PTPRT: variants seen among roughly 807,000 people sequenced by gnomAD.
PTPRT encodes the protein protein tyrosine phosphatase receptor type T.
Under a neutral mutation model 176.8 loss-of-function variants are expected in PTPRT, and 56 were observed. The observed-to-expected ratio is 0.32, with a 90% CI of 0.26 to 0.40. PTPRT has a LOEUF of 0.40. Among genes scored for constraint, PTPRT ranks in the 10% least tolerant of loss-of-function variants. The pLI, the probability that PTPRT is intolerant of heterozygous loss-of-function variation, is 1.00. For missense variants in PTPRT, 1,540 were observed against 1,908.2 expected, an observed-to-expected ratio of 0.81 and a Z score of 3.60; for synonymous variants, 783 against 739.0, an observed-to-expected ratio of 1.06 and a Z score of -0.96.
At chr20:42,187,562 C>T (rs527567278) in intron 16 of PTPRT, among the ~76,000 whole-genome samples, 13 of 152,290 alleles carry the variant, frequency 8.5e-5, no homozygotes, top group African/African-American at 2.4e-4. Flanking sequence ...TGTGATAGTC[C>T]GCCCTATGGC....
intron 1 of PTPRT, among the ~76,000 whole-genome samples, chr20:43,089,079 T>C (rs143302527): frequency 6.6e-6 from 1 of 152,326 alleles, no homozygotes; most frequent in African/African-American, 2.4e-5. Flanking sequence ...AAAGCTTATT[T>C]GAGGGCCAAA....
chr20:42,955,093 T>G (rs895736062), intron 1 of PTPRT, among the ~76,000 whole-genome samples: 1 of 152,158 alleles, frequency 6.6e-6, no homozygotes, highest in African/African-American at 2.4e-5. Context: ...ATCCCCCTCT[T>G]AGTGATGCAC....
At chr20:42,373,404 A>G (rs1475909127) in intron 9 of PTPRT, among the ~76,000 whole-genome samples, 1 of 152,168 alleles carries the variant, frequency 6.6e-6, no homozygotes, top group African/African-American at 2.4e-5. Context: ...TGCTTTCTAA[A>G]TATTTAGATT....
chr20:42,153,705 T>C (rs1314426064), intron 17 of PTPRT, among the ~76,000 whole-genome samples: 2 of 152,190 alleles, frequency 1.3e-5, no homozygotes, highest in African/African-American at 4.8e-5. Context: ...GGCTACAGAC[T>C]TCCAGCTGCC....
At chr20:42,382,701 T>C (rs2058708439) in intron 9 of PTPRT, among the ~76,000 whole-genome samples, 1 of 151,816 alleles carries the variant, frequency 6.6e-6, no homozygotes, top group African/African-American at 2.4e-5. Flanking sequence ...AATCGGGGTA[T>C]GGTGGGGGGT....
chr20:42,424,905 G>A (rs188842513), intron 9 of PTPRT, among the ~76,000 whole-genome samples: 11 of 151,022 alleles, frequency 7.3e-5, no homozygotes, highest in East Asian at 5.8e-4. Flanking sequence ...TGACGTATGC[G>A]TGGAAAAAGA....
At position 42,717,177 on chromosome 20, in the gene PTPRT, AAAGTATAAT is replaced by A. The variant is rs1360488640; in HGVS notation, c.860-39027_860-39019del. ...GTTGTGCACATGTACCCTAAAACTT[AAAGTATAAT>A]AATAATAATAATAATAATAATAATA... On this transcript the variant is annotated intron_variant, in intron 6 of 30. Coordinates refer to ENST00000373187, the MANE Select transcript of PTPRT (RefSeq NM_007050.6). 7.6e-5 allele frequency among the ~76,000 whole-genome samples: 6 copies of A among 79,250 alleles called. No individual in the cohort carries two copies. In the East Asian group the frequency reaches 1.0e-3, roughly 14 times the overall value. 52.0% of individuals were successfully genotyped at this position (79,250 alleles called of 152,430 possible).
chr20:43,173,952 C>T (rs1442976082), intron 1 of PTPRT, among the ~76,000 whole-genome samples: 1 of 152,134 alleles, frequency 6.6e-6, no homozygotes, highest in East Asian at 1.9e-4. Flanking sequence ...GTGACCAAGC[C>T]CTTGAACCTC....
chr20:42,779,084 G>A (rs558811567), intron 4 of PTPRT, among the ~76,000 whole-genome samples: 1 of 152,304 alleles, frequency 6.6e-6, no homozygotes, highest in East Asian at 1.9e-4. Flanking sequence ...CCAGAGAAGG[G>A]GCTCTAAGAC....
chr20:42,032,460 C>T, the PTPRT span, among the ~76,000 whole-genome samples: 1 of 152,104 alleles, frequency 6.6e-6, no homozygotes, highest in African/African-American at 2.4e-5. Flanking sequence ...CCATGTTGAT[C>T]CAGGCTCCTG....
intron 6 of PTPRT, among the ~76,000 whole-genome samples, chr20:42,705,064 G>A (rs2146176665): frequency 6.6e-6 from 1 of 152,148 alleles, no homozygotes; most frequent in Admixed American, 6.5e-5. Context: ...AATCAGCTGG[G>A]CATGGTGGTG....
chr20:43,046,375 T>C (rs551426155), intron 1 of PTPRT, among the ~76,000 whole-genome samples: 15 of 152,098 alleles, frequency 9.9e-5, no homozygotes, highest in African/African-American at 3.6e-4. Flanking sequence ...GAGACCATCC[T>C]GGCTAACACC....
chr20:42,137,089 T>C (rs1453000810), intron 18 of PTPRT, among the ~76,000 whole-genome samples: 1 of 152,118 alleles, frequency 6.6e-6, no homozygotes, highest in African/African-American at 2.4e-5. Context: ...GAAGCAAAGG[T>C]GCTGGCAATT....
intron 12 of PTPRT, among the ~76,000 whole-genome samples, chr20:42,315,503 A>G (rs1295726759): frequency 6.6e-6 from 1 of 152,206 alleles, no homozygotes; most frequent in Non-Finnish European, 1.5e-5. Context: ...TCTCTGTTAC[A>G]ACTGTTCAAC....
At chr20:42,302,741 TGGGTTTTTG>T (rs1285521561) in intron 12 of PTPRT, among the ~76,000 whole-genome samples, 1 of 152,118 alleles carries the variant, frequency 6.6e-6, no homozygotes, top group Non-Finnish European at 1.5e-5. Context: ...AAATAATTGG[TGGGTTTTTG>T]GGGTTTTATC....
the PTPRT span, among the ~76,000 whole-genome samples, chr20:42,059,831 T>C: frequency 9.9e-5 from 15 of 152,184 alleles, no homozygotes; most frequent in Admixed American, 9.8e-4. Context: ...TTCTTACTCA[T>C]GTTTTGTTTT....
chr20:42,160,254 G>A (rs958380091), intron 17 of PTPRT, among the ~76,000 whole-genome samples: 9 of 152,090 alleles, frequency 5.9e-5, no homozygotes, highest in African/African-American at 2.2e-4. Context: ...AGACAGGAAA[G>A]GAAAAGTGAA....
chr20:42,321,402 A>G (rs570196122), intron 11 of PTPRT, among the ~76,000 whole-genome samples: 2 of 152,330 alleles, frequency 1.3e-5, no homozygotes, highest in South Asian at 4.1e-4. Context: ...TGCAGCTACA[A>G]AATCATAAAC....
At chr20:42,367,444 G>A (rs1386880982) in intron 9 of PTPRT, among the ~76,000 whole-genome samples, 1 of 152,170 alleles carries the variant, frequency 6.6e-6, no homozygotes, top group Non-Finnish European at 1.5e-5. Flanking sequence ...AGGCACCTGA[G>A]ATATGCCCAG....
Sources: gnomAD v4.1 joint callset for allele counts (sites outside exome capture counted in the v4.1 genomes callset) on GRCh38, gnomAD v4.1.1 for gene constraint, MANE v1.5 for transcripts, NCBI Gene and HGNC (gene_info 2026-07-23, HGNC 2026-07-21) for gene names.